YJU2: variants seen among roughly 807,000 people sequenced by gnomAD.
The protein encoded by YJU2 is splicing factor YJU2.
YJU2 carries 28 observed loss-of-function variants against 39.6 expected under a neutral mutation model. That is an observed-to-expected ratio of 0.71 (90% CI 0.52 to 0.97). YJU2 has a LOEUF of 0.97. YJU2 is among the 50% of genes least tolerant of loss of function. YJU2 has a pLI of 0.00. For synonymous variants in YJU2, 184 were observed against 182.4 expected (o/e 1.01, Z -0.07); for missense variants, 328 against 430.4 (o/e 0.76, Z 2.11).
chr19:4,266,967 C>G (rs994313767), intron 6 of YJU2, among the ~76,000 whole-genome samples: 2 of 152,076 alleles, frequency 1.3e-5, no homozygotes, highest in Non-Finnish European at 2.9e-5. Context: ...ACCTTCCCCC[C>G]AAAAAAATTT....
At position 4,268,747 on chromosome 19, in the gene YJU2, C is replaced by A; in HGVS notation, c.*51C>A. On this transcript the variant is annotated 3_prime_UTR_variant, in exon 8 of 8. Coordinates refer to ENST00000262962, the MANE Select transcript of YJU2 (RefSeq NM_018074.6). Reference sequence around the variant, plus strand: ...TCAAAGTCACACGTCCAGCTTCAGCCACATTGAGGCCAGCATTGCTGGTGG... The same window carrying A: ...TCAAAGTCACACGTCCAGCTTCAGCAACATTGAGGCCAGCATTGCTGGTGG... 7.6e-7 allele frequency: 1 copy of A among 1,312,740 alleles called. No homozygotes were observed. The highest frequency in any genetic ancestry group is 1.1e-6 in the Non-Finnish European group (1 of 923,376). 81.3% of individuals were successfully genotyped at this position (1,312,740 alleles called of 1,614,324 possible).
In YJU2 at chr19:4,269,018, T is replaced by G. The variant is rs1450991308; in HGVS notation, c.*322T>G. On this transcript the variant is annotated 3_prime_UTR_variant, in exon 8 of 8. Coordinates refer to ENST00000262962, the MANE Select transcript of YJU2 (RefSeq NM_018074.6). ...CAGTGTTTGGGGCACTGGGCGAGCC[T>G]GCCGGCCTCTAGATGGCCTCATCTC... 14 of 328,030 alleles carry G rather than the reference T, an allele frequency of 4.3e-5. No homozygotes were observed. Among genetic ancestry groups the G allele is most frequent in the Non-Finnish European group, 7.5e-5 (13 of 173,826 alleles). The allele number at this position is 328,030 out of a possible 1,614,324, so 20.3% of individuals were successfully genotyped here.
chr19:4,268,089 C>T (rs549001244), intron 7 of YJU2, among the ~76,000 whole-genome samples: 25 of 151,832 alleles, frequency 1.6e-4, no homozygotes, highest in East Asian at 3.9e-4. Context: ...GTAGCTGGGA[C>T]TACAGCACCA....
chr19:4,259,902 C>T (rs962032543), intron 5 of YJU2, among the ~76,000 whole-genome samples: 2 of 152,108 alleles, frequency 1.3e-5, no homozygotes, highest in African/African-American at 4.8e-5. Flanking sequence ...GTGTTGGGAG[C>T]CTGCGTTCAT....
intron 6 of YJU2, among the ~76,000 whole-genome samples, chr19:4,266,974 A>AT (rs1182557834): frequency 3.3e-5 from 5 of 152,026 alleles, no homozygotes; most frequent in Non-Finnish European, 1.5e-5. Context: ...CCCCAAAAAA[A>AT]TTTTTTTAAT....
At chr19:4,254,239 G>A in intron 3 of YJU2, 116 bp from the exon 4 acceptor site, 1 of 785,376 alleles carries the variant, frequency 1.3e-6, no homozygotes, top group South Asian at 1.5e-5. Context: ...AAGAAAAAGA[G>A]AAGGTAGTAG....
chr19:4,251,027 G>T lies in YJU2; in HGVS notation c.126G>T (p.Arg42Ser). The T allele has an allele frequency of 6.2e-7, 1 of 1,614,114 alleles. No individual in the cohort carries two copies. Among genetic ancestry groups the T allele is most frequent in the Non-Finnish European group, 8.5e-7 (1 of 1,179,982 alleles). ...VVRLMAPFNMRCKTCGEYIYK... is the reference protein window; with the variant it reads ...VVRLMAPFNMSCKTCGEYIYK... Reference sequence around the variant, plus strand: ...CACATCCCTACATGCTGCCCCGCAGGTGTAAGACGTGCGGAGAATACATCT... The same window carrying T: ...CACATCCCTACATGCTGCCCCGCAGTTGTAAGACGTGCGGAGAATACATCT... Residue 42 changes from arginine (R) to serine (S), a missense_variant and splice_region_variant, in exon 3 of 8, where the codon AGG (arginine) becomes AGT (serine). Arg to Ser is a moderately radical substitution (Grantham distance 110). This residue lies in a region of YJU2 where 84 missense variants were observed against 165.8 expected (regional missense o/e 0.51). Coordinates refer to ENST00000262962, the MANE Select transcript of YJU2 (RefSeq NM_018074.6).
intron 4 of YJU2, among the ~76,000 whole-genome samples, chr19:4,254,786 A>G (rs761631340): frequency 1.3e-5 from 2 of 151,938 alleles, no homozygotes; most frequent in African/African-American, 2.4e-5. Context: ...CACTGGGCGC[A>G]GTGGCTCACA....
chr19:4,254,287 TG>T, intron 3 of YJU2, 67 bp from the exon 4 acceptor site: 1 of 1,144,646 alleles, frequency 8.7e-7, no homozygotes, highest in South Asian at 1.3e-5. Context: ...CCTGATCTGC[TG>T]GTGGTACTTT....
chr19:4,268,958 T>G lies in YJU2; in HGVS notation c.*262T>G. On this transcript the variant is annotated 3_prime_UTR_variant, in exon 8 of 8. Transcript: ENST00000262962. Reference sequence around the variant, plus strand: ...TGTCACTGTGCTTAGGGCTGCAACATCCCTGGAGCAGCTTCCAACACTACT... The same window carrying G: ...TGTCACTGTGCTTAGGGCTGCAACAGCCCTGGAGCAGCTTCCAACACTACT... 2.1e-6 allele frequency: 1 copy of G among 481,562 alleles called. No homozygotes were observed. Among genetic ancestry groups the G allele is most frequent in the Non-Finnish European group, 3.8e-6 (1 of 264,156 alleles). 29.8% of individuals were successfully genotyped at this position (481,562 alleles called of 1,614,324 possible).
chr19:4,268,796 A>C lies in YJU2; in HGVS notation c.*100A>C. The C allele has an allele frequency of 1.2e-6, 1 of 844,928 alleles. No individual in the cohort carries two copies. The highest frequency in any genetic ancestry group is 1.9e-6 in the Non-Finnish European group (1 of 525,100). 52.3% of individuals were successfully genotyped at this position (844,928 alleles called of 1,614,324 possible). ...GGTCAGGGCAGGAGGCCTTGGCGTG[A>C]CTGGAGGCCGGACAGACAAGCGCCA... On this transcript the variant is annotated 3_prime_UTR_variant, in exon 8 of 8. Coordinates refer to ENST00000262962, the MANE Select transcript of YJU2 (RefSeq NM_018074.6).
At chr19:4,251,319 A>T in intron 3 of YJU2, 148 bp downstream of exon 3, 1 of 804,428 alleles carries the variant, frequency 1.2e-6, no homozygotes, top group Non-Finnish European at 1.9e-6. Context: ...TTTGGGGGAG[A>T]TGTTCATGGC....
At chr19:4,255,981 T>C (rs1291527500) in intron 4 of YJU2, among the ~76,000 whole-genome samples, 3 of 151,788 alleles carry the variant, frequency 2.0e-5, no homozygotes, top group African/African-American at 7.3e-5. Context: ...CACTTCAGCC[T>C]GGGCAACAAG....
intron 1 of YJU2, among the ~76,000 whole-genome samples, chr19:4,248,546 T>G (rs1461638280): frequency 2.6e-5 from 4 of 152,192 alleles, no homozygotes; most frequent in Non-Finnish European, 5.9e-5. Context: ...GTTTACCCTC[T>G]ACAGAATTGC....
At chr19:4,253,485 G>A (rs1970994394) in intron 3 of YJU2, among the ~76,000 whole-genome samples, 2 of 151,950 alleles carry the variant, frequency 1.3e-5, no homozygotes, top group Non-Finnish European at 2.9e-5. Flanking sequence ...GCAGGCTAAG[G>A]TGAGAGGATT....
intron 4 of YJU2, 88 bp from the exon 5 acceptor site, chr19:4,258,154 G>T: frequency 6.7e-7 from 1 of 1,497,692 alleles, no homozygotes; most frequent in Non-Finnish European, 8.9e-7. Flanking sequence ...GGTTCCTCCC[G>T]TGGCCCGCAG....
intron 5 of YJU2, among the ~76,000 whole-genome samples, chr19:4,259,071 CTTTTTTTTTTTTTTTT>C (rs34728075): frequency 2.2e-5 from 2 of 90,262 alleles, no homozygotes; most frequent in Non-Finnish European, 4.3e-5. Context: ...GAACACTTTT[CTTTTTTTTTTTTTTTT>C]TTTTTTTTTT....
At chr19:4,259,336 C>A (rs187085140) in intron 5 of YJU2, among the ~76,000 whole-genome samples, 1 of 152,160 alleles carries the variant, frequency 6.6e-6, no homozygotes, top group African/African-American at 2.4e-5. Context: ...GCCTCGGCCT[C>A]CCAAAGTGCT....
intron 6 of YJU2, among the ~76,000 whole-genome samples, chr19:4,263,643 C>G (rs1438466541): frequency 6.6e-6 from 1 of 151,746 alleles, no homozygotes; most frequent in Admixed American, 6.6e-5. Flanking sequence ...AACCCTGTCT[C>G]TACTAAAAAT....
Sources: gnomAD v4.1 joint callset for allele counts (sites outside exome capture counted in the v4.1 genomes callset) on GRCh38, gnomAD v4.1.1 for gene constraint, gnomAD v4.1.1 regional missense constraint, MANE v1.5 for transcripts, NCBI Gene and HGNC (gene_info 2026-07-23, HGNC 2026-07-21) for gene names.